Variants in MAPK14 observed in about 807,000 individuals in gnomAD.
The protein encoded by MAPK14 is mitogen-activated protein kinase 14.
In MAPK14, 16 loss-of-function variants were observed where a neutral mutation model predicts 49.6. That is an observed-to-expected ratio of 0.32 (90% CI 0.22 to 0.49). MAPK14 has a LOEUF of 0.49. Among genes scored for constraint, MAPK14 ranks in the 20% least tolerant of loss-of-function variants. MAPK14 has a pLI of 0.99. For synonymous variants in MAPK14, 142 were observed against 158.0 expected (o/e 0.90, Z 0.76); for missense variants, 200 against 441.2 (o/e 0.45, Z 4.90).
intron 7 of MAPK14, 112 bp from the exon 8 acceptor site, chr6:36,076,425 A>G: frequency 1.3e-6 from 1 of 751,318 alleles, no homozygotes; most frequent in Non-Finnish European, 2.3e-6. Context: ...GTTGAGCCTC[A>G]GATGTCTTAA....
chr6:36,049,038 A>G (rs1397413761), intron 1 of MAPK14, among the ~76,000 whole-genome samples: 1 of 152,210 alleles, frequency 6.6e-6, no homozygotes, highest in Non-Finnish European at 1.5e-5. Flanking sequence ...ATAGAAAACC[A>G]ATGGAAGTGT....
At chr6:36,085,568 AC>A (rs1158307118) in intron 8 of MAPK14, among the ~76,000 whole-genome samples, 1 of 152,240 alleles carries the variant, frequency 6.6e-6, no homozygotes. Context: ...ATCAAAAAAG[AC>A]AAGGGCATTA....
At chr6:36,050,248 C>G (rs1763341586) in intron 1 of MAPK14, among the ~76,000 whole-genome samples, 1 of 151,972 alleles carries the variant, frequency 6.6e-6, no homozygotes, top group Non-Finnish European at 1.5e-5. Context: ...GAGAGAAGTG[C>G]AAGGGAGTGA....
chr6:36,078,748 G>A (rs928319003), intron 8 of MAPK14, among the ~76,000 whole-genome samples: 1 of 152,082 alleles, frequency 6.6e-6, no homozygotes, highest in African/African-American at 2.4e-5. Context: ...TGTAAAAGTC[G>A]AATTCAAAGG....
chr6:36,120,148 A>G, the MAPK14 span, among the ~76,000 whole-genome samples: 105 of 152,276 alleles, frequency 6.9e-4, no homozygotes, highest in African/African-American at 2.5e-3. Flanking sequence ...GTAAAATGGG[A>G]TGATATTGAT....
At chr6:36,113,210 G>T (rs1766005094), downstream of MAPK14, among the ~76,000 whole-genome samples, 1 of 151,986 alleles carries the variant, frequency 6.6e-6, no homozygotes, top group African/African-American at 2.4e-5. Context: ...GTGTGGTGGT[G>T]CATGCCTTGT....
intron 10 of MAPK14, among the ~76,000 whole-genome samples, chr6:36,104,595 G>A (rs1765744576): frequency 6.6e-6 from 1 of 152,120 alleles, no homozygotes; most frequent in African/African-American, 2.4e-5. Flanking sequence ...CACCGTGTTA[G>A]CCAGGATGGT....
At chr6:36,056,896 A>G (rs1763611048) in intron 2 of MAPK14, among the ~76,000 whole-genome samples, 1 of 152,226 alleles carries the variant, frequency 6.6e-6, no homozygotes, top group Non-Finnish European at 1.5e-5. Context: ...TTAAAAGACC[A>G]GAGGTCTTAA....
intron 1 of MAPK14, 80 bp from the exon 2 acceptor site, chr6:36,052,619 G>A: frequency 7.5e-7 from 1 of 1,339,458 alleles, no homozygotes; most frequent in East Asian, 2.5e-5. Flanking sequence ...CCTTTAATTT[G>A]GAAATAGCCT....
the MAPK14 span, among the ~76,000 whole-genome samples, chr6:36,116,781 C>G: frequency 6.6e-6 from 1 of 152,152 alleles, no homozygotes; most frequent in Non-Finnish European, 1.5e-5. Flanking sequence ...ACCTCCTTCC[C>G]CCTACTTTCC....
rs1762519055 is a variant in MAPK14, at chr6:36,030,982, GTTATC to G, written c.116+2714_116+2718del. On this transcript the variant is annotated intron_variant, in intron 1 of 11. Coordinates refer to ENST00000229794, the MANE Select transcript of MAPK14 (RefSeq NM_139012.3). ...CCAGAATTTAGATTTACAATTAAGTGTTATCTTATTCAGAGATTCAGCGTAGTTAT... is the reference window on the plus strand; with the variant it reads ...CCAGAATTTAGATTTACAATTAAGTGTTATTCAGAGATTCAGCGTAGTTAT... Among the ~76,000 whole-genome samples, 4 of 152,172 alleles carry G rather than the reference GTTATC, an allele frequency of 2.6e-5. No homozygotes were observed. The South Asian group carries it at 8.3e-4, about 32-fold the overall frequency.
chr6:36,078,360 C>T (rs140778300), intron 8 of MAPK14, among the ~76,000 whole-genome samples: 3 of 152,348 alleles, frequency 2.0e-5, no homozygotes, highest in East Asian at 1.9e-4. Context: ...TTCACCTTCT[C>T]ACTTAATTGT....
intron 8 of MAPK14, among the ~76,000 whole-genome samples, chr6:36,094,858 G>T (rs1187503031): frequency 6.6e-6 from 1 of 152,066 alleles, no homozygotes; most frequent in East Asian, 1.9e-4. Flanking sequence ...AGAGAGAATT[G>T]GGGGGTGGGG....
rs976171669 is a variant in MAPK14 at position 36,078,510 on chromosome 6, A to G, written c.682+1902A>G. Among the ~76,000 whole-genome samples the G allele has an allele frequency of 7.2e-5, 11 of 152,320 alleles. No individual in the cohort carries two copies. The South Asian group carries it at 8.3e-4, about 11-fold the overall frequency. ...ACCTTTGTGGTCCTGTCTCACAGAC[A>G]CCTGTCTATTCCCTGACCCTTTTAA... On this transcript the variant is annotated intron_variant, in intron 8 of 11. Coordinates refer to ENST00000229794, the MANE Select transcript of MAPK14 (RefSeq NM_139012.3).
intron 7 of MAPK14, 94 bp from the exon 8 acceptor site, chr6:36,076,443 T>C: frequency 1.2e-6 from 1 of 861,960 alleles, no homozygotes; most frequent in Non-Finnish European, 1.9e-6. Context: ...TAAATAGTAA[T>C]TTGAATATTT....
intron 8 of MAPK14, among the ~76,000 whole-genome samples, chr6:36,081,452 C>T (rs896684365): frequency 6.6e-6 from 1 of 152,132 alleles, no homozygotes; most frequent in African/African-American, 2.4e-5. Flanking sequence ...ATTACTTCCC[C>T]CATCGAATCA....
intron 3 of MAPK14, among the ~76,000 whole-genome samples, chr6:36,071,628 G>T (rs756580091): frequency 2.0e-5 from 3 of 152,064 alleles, no homozygotes; most frequent in Non-Finnish European, 4.4e-5. Context: ...CCTTTCACTA[G>T]TCATTCCTGA....
intron 1 of MAPK14, among the ~76,000 whole-genome samples, chr6:36,043,804 C>CTTTTTTTTTTTTTTTTTTT (rs796534477): frequency 2.2e-5 from 2 of 90,392 alleles, no homozygotes; most frequent in Admixed American, 1.2e-4. Context: ...CTTTTTCTTT[C>CTTTTTTTTTTTTTTTTTTT]TTTTTTTTTT....
At chr6:36,035,427 A>T (rs1423082130) in intron 1 of MAPK14, among the ~76,000 whole-genome samples, 1 of 152,078 alleles carries the variant, frequency 6.6e-6, no homozygotes, top group Non-Finnish European at 1.5e-5. Context: ...CCATCTCCTA[A>T]GGCGTCCTTA....
Sources: gnomAD v4.1 joint callset for allele counts (sites outside exome capture counted in the v4.1 genomes callset) on GRCh38, gnomAD v4.1.1 for gene constraint, MANE v1.5 for transcripts, NCBI Gene and HGNC (gene_info 2026-07-23, HGNC 2026-07-21) for gene names.